SWT1: variants seen among roughly 807,000 people sequenced by gnomAD.
SWT1 encodes the protein SWT1 RNA endoribonuclease homolog, also known as transcriptional protein SWT1.
A neutral mutation model predicts 107.3 loss-of-function variants in SWT1; 33 were observed. The observed-to-expected ratio is 0.31, with a 90% CI of 0.23 to 0.41. The LOEUF is 0.41. Among genes scored for constraint, SWT1 ranks in the 10% least tolerant of loss-of-function variants. SWT1 has a pLI of 1.00. For synonymous variants in SWT1, 345 were observed against 348.3 expected (o/e 0.99, Z 0.11); for missense variants, 898 against 1,028.9 (o/e 0.87, Z 1.74).
intron 10 of SWT1, among the ~76,000 whole-genome samples, chr1:185,197,216 A>G (rs1457293081): frequency 6.6e-6 from 1 of 152,170 alleles, no homozygotes; most frequent in Non-Finnish European, 1.5e-5. Flanking sequence ...ATCTATTGAG[A>G]TAATCATGTG....
chr1:185,196,996 A>G (rs149322704), intron 10 of SWT1, among the ~76,000 whole-genome samples: 1,750 of 152,258 alleles, frequency 0.011, 26 homozygotes, highest in African/African-American at 0.04. Flanking sequence ...TATGTTGAAT[A>G]GGAGTGGAGA....
At chr1:185,175,810 C>A (rs1196318335) in intron 5 of SWT1, among the ~76,000 whole-genome samples, 2 of 152,048 alleles carry the variant, frequency 1.3e-5, no homozygotes, top group African/African-American at 4.8e-5. Flanking sequence ...CACCGTGTAC[C>A]AGGCACCACA....
intron 1 of SWT1, among the ~76,000 whole-genome samples, chr1:185,158,012 C>T (rs1653779021): frequency 6.6e-6 from 1 of 152,164 alleles, no homozygotes; most frequent in Non-Finnish European, 1.5e-5. Context: ...TTTCTGGCTG[C>T]CCTGCTTGGG....
At chr1:185,168,710 T>A (rs1654799089) in intron 4 of SWT1, among the ~76,000 whole-genome samples, 1 of 152,232 alleles carries the variant, frequency 6.6e-6, no homozygotes, top group Non-Finnish European at 1.5e-5. Context: ...AAGTAAGTTA[T>A]GAGGCTAATT....
intron 10 of SWT1, among the ~76,000 whole-genome samples, chr1:185,194,632 C>G (rs1381256218): frequency 2.6e-5 from 4 of 151,500 alleles, no homozygotes; most frequent in Non-Finnish European, 5.9e-5. Context: ...TTTTGACTTC[C>G]CTTCAAGTTT....
At chr1:185,197,125 C>G (rs1044726039) in intron 10 of SWT1, among the ~76,000 whole-genome samples, 4 of 152,046 alleles carry the variant, frequency 2.6e-5, no homozygotes, top group Admixed American at 2.0e-4. Flanking sequence ...GAGATACATT[C>G]CATCTCAAAC....
chr1:185,175,240 T>A (rs1006379105), intron 5 of SWT1, 127 bp downstream of exon 5: 1 of 892,006 alleles, frequency 1.1e-6, no homozygotes, highest in African/African-American at 1.8e-5. Context: ...TTTTTGTTTT[T>A]GAGACAGGGT....
rs1485126320 is a variant in SWT1 at position 185,230,478 on chromosome 1, G to C, written c.2310-1099G>C. On this transcript the variant is annotated intron_variant, in intron 15 of 18. Transcript: ENST00000367500. Reference sequence around the variant, plus strand: ...CCATCTCTGCCTTTTTCTTCACATGGAGTAGGGCCCATTCTAATCCAGCAT... The same window carrying C: ...CCATCTCTGCCTTTTTCTTCACATGCAGTAGGGCCCATTCTAATCCAGCAT... 3.3e-5 allele frequency among the ~76,000 whole-genome samples: 5 copies of C among 152,016 alleles called. 1 individual carries two copies. Among genetic ancestry groups the C allele is most frequent in the Admixed American group, 2.0e-4 (3 of 15,248 alleles).
In SWT1 at chr1:185,181,981, G is replaced by A; in HGVS notation, c.1062G>A (p.Val354=). Residue 354 remains valine (V), a synonymous_variant, in exon 7 of 19, where the codon GTG becomes GTA. Coordinates refer to ENST00000367500, the MANE Select transcript of SWT1 (RefSeq NM_017673.7). ...QIVEELHAAR[V]GKSVDLPGEL... ...TAGAAGAGCTTCATGCTGCACGTGT[G>A]GGAAAAAGTGTGGATTTACCTGGAG... 6.2e-7 allele frequency: 1 copy of A among 1,613,860 alleles called. No homozygotes were observed. Among genetic ancestry groups the A allele is most frequent in the Non-Finnish European group, 8.5e-7 (1 of 1,179,890 alleles).
chr1:185,189,977 A>G (rs1656813701), intron 9 of SWT1, among the ~76,000 whole-genome samples: 1 of 151,694 alleles, frequency 6.6e-6, no homozygotes, highest in South Asian at 2.1e-4. Context: ...GATTCCCAGT[A>G]GCTGGGATTA....
intron 14 of SWT1, among the ~76,000 whole-genome samples, chr1:185,215,601 C>T (rs1388193351): frequency 3.3e-5 from 5 of 152,154 alleles, no homozygotes; most frequent in Admixed American, 6.6e-5. Context: ...CACCCTGGCA[C>T]GATCAGGGCT....
At chr1:185,190,928 C>G (rs1397790191) in intron 10 of SWT1, among the ~76,000 whole-genome samples, 1 of 152,114 alleles carries the variant, frequency 6.6e-6, no homozygotes, top group Non-Finnish European at 1.5e-5. Flanking sequence ...GTTTAAAAAT[C>G]AGAATCTGAC....
intron 11 of SWT1, among the ~76,000 whole-genome samples, chr1:185,203,498 G>A (rs1486109601): frequency 6.6e-6 from 1 of 151,956 alleles, no homozygotes; most frequent in African/African-American, 2.4e-5. Context: ...GCGGGCGCCT[G>A]TAATCCCAGC....
intron 15 of SWT1, among the ~76,000 whole-genome samples, chr1:185,222,560 C>T (rs1162291737): frequency 6.6e-6 from 1 of 151,572 alleles, no homozygotes; most frequent in Non-Finnish European, 1.5e-5. Context: ...AGTTTGAAAC[C>T]AGCCTGGCCA....
chr1:185,211,363 G>C (rs1658789632), intron 13 of SWT1, among the ~76,000 whole-genome samples: 1 of 152,134 alleles, frequency 6.6e-6, no homozygotes, highest in South Asian at 2.1e-4. Flanking sequence ...CAGTGGAACT[G>C]AACAGAGGCC....
At chr1:185,249,910 G>A (rs187232251) in intron 16 of SWT1, among the ~76,000 whole-genome samples, 32 of 152,004 alleles carry the variant, frequency 2.1e-4, no homozygotes, top group African/African-American at 7.2e-4. Context: ...TAAAAGGTAG[G>A]GATTCTAAAG....
chr1:185,198,213 A>G (rs566013049), intron 10 of SWT1, among the ~76,000 whole-genome samples: 2 of 152,312 alleles, frequency 1.3e-5, no homozygotes, highest in East Asian at 3.9e-4. Flanking sequence ...GTCATTCAGG[A>G]GCAGGTTGTT....
At chr1:185,185,084 G>A (rs1481036781) in intron 9 of SWT1, among the ~76,000 whole-genome samples, 153 bp downstream of exon 9, 7 of 152,296 alleles carry the variant, frequency 4.6e-5, no homozygotes, top group Middle Eastern at 6.8e-3. Context: ...CTTAGTTTAG[G>A]AGTCTTTGAC....
intron 16 of SWT1, among the ~76,000 whole-genome samples, chr1:185,269,103 C>T (rs1376275934): frequency 5.9e-5 from 9 of 152,150 alleles, no homozygotes; most frequent in African/African-American, 2.2e-4. Context: ...TTGCCCGCCT[C>T]AGCCTCCCAA....
Sources: allele counts gnomAD v4.1 joint callset (sites outside exome capture counted in the v4.1 genomes callset), GRCh38; gene constraint gnomAD v4.1.1; transcripts MANE v1.5; gene names NCBI Gene and HGNC (gene_info 2026-07-23, HGNC 2026-07-21).